Variants in SERGEF observed in about 807,000 individuals in gnomAD.
SERGEF encodes the protein secretion-regulating guanine nucleotide exchange factor.
SERGEF carries 51 observed loss-of-function variants against 50.0 expected under a neutral mutation model. The ratio of observed to expected loss-of-function variants is 1.02; its 90% CI spans 0.81 to 1.29. SERGEF has a LOEUF of 1.29. Among genes scored for constraint, SERGEF ranks in the 50% most tolerant of loss-of-function variants. The pLI, the probability that SERGEF is intolerant of heterozygous loss-of-function variation, is 0.00. For missense variants in SERGEF, 521 were observed against 557.0 expected (o/e 0.94, Z 0.65); for synonymous variants, 205 against 212.4 (o/e 0.97, Z 0.30).
At chr11:18,006,228 A>G (rs1029416632) in intron 3 of SERGEF, among the ~76,000 whole-genome samples, 3 of 152,144 alleles carry the variant, frequency 2.0e-5, no homozygotes, top group African/African-American at 7.2e-5. Flanking sequence ...GCGCAATCTC[A>G]GTTCACTGCA....
intron 1 of SERGEF, among the ~76,000 whole-genome samples, chr11:18,009,745 G>A (rs2299623): frequency 0.48 from 72,473 of 151,880 alleles, 18,897 homozygotes; most frequent in Middle Eastern, 0.68. Context: ...TATACAAAAA[G>A]GGTCCATAAT....
chr11:18,012,586 A>G, intron 1 of SERGEF: 3 of 1,176,386 alleles, frequency 2.6e-6, no homozygotes, highest in Non-Finnish European at 3.2e-6. Flanking sequence ...GGCCCCACGG[A>G]GCTCTGGGAC....
chr11:17,845,785 T>C (rs1850596694), intron 10 of SERGEF, among the ~76,000 whole-genome samples: 1 of 152,124 alleles, frequency 6.6e-6, no homozygotes. Flanking sequence ...TTCTACTCAT[T>C]TGATGATAAA....
intron 5 of SERGEF, among the ~76,000 whole-genome samples, chr11:17,998,029 A>G (rs540070260): frequency 6.6e-6 from 1 of 152,340 alleles, no homozygotes; most frequent in South Asian, 2.1e-4. Context: ...TAAACTACGT[A>G]TATTTTACCA....
chr11:17,840,526 AGAGTT>A (rs1053827549), intron 10 of SERGEF, among the ~76,000 whole-genome samples: 12 of 152,202 alleles, frequency 7.9e-5, no homozygotes, highest in Non-Finnish European at 1.5e-4. Context: ...CTGGACACAA[AGAGTT>A]GCTTTCAGGC....
chr11:17,893,842 A>G (rs1380945996), intron 9 of SERGEF, among the ~76,000 whole-genome samples: 1 of 152,228 alleles, frequency 6.6e-6, no homozygotes, highest in Non-Finnish European at 1.5e-5. Context: ...TCCTCCAGCA[A>G]GAAAACCACA....
At chr11:17,950,856 C>T (rs1377413099) in intron 9 of SERGEF, among the ~76,000 whole-genome samples, 1 of 152,170 alleles carries the variant, frequency 6.6e-6, no homozygotes, top group African/African-American at 2.4e-5. Context: ...CCAGGGTGAC[C>T]CTGGGCAAAG....
intron 9 of SERGEF, among the ~76,000 whole-genome samples, chr11:17,923,619 T>C (rs1852199028): frequency 6.6e-6 from 1 of 151,848 alleles, no homozygotes; most frequent in Non-Finnish European, 1.5e-5. Context: ...AAGGGAGGTG[T>C]TGCAGATGGA....
intron 10 of SERGEF, among the ~76,000 whole-genome samples, chr11:17,800,950 C>T (rs1754848719): frequency 6.6e-6 from 1 of 152,136 alleles, no homozygotes; most frequent in African/African-American, 2.4e-5. Context: ...AATCCCAGCA[C>T]TTTGGGAGGC....
chr11:17,898,801 G>T (rs1186231100), intron 9 of SERGEF, among the ~76,000 whole-genome samples: 1 of 152,106 alleles, frequency 6.6e-6, no homozygotes, highest in Non-Finnish European at 1.5e-5. Flanking sequence ...GATCTCTAAA[G>T]GCCTGATATG....
chr11:17,986,189 G>C (rs182231064), intron 8 of SERGEF, among the ~76,000 whole-genome samples: 32 of 152,268 alleles, frequency 2.1e-4, no homozygotes, highest in African/African-American at 7.5e-4. Context: ...ATTAATGTGA[G>C]TGCTGAGTCT....
intron 9 of SERGEF, among the ~76,000 whole-genome samples, chr11:17,912,532 A>T (rs570002444): frequency 1.3e-5 from 2 of 152,364 alleles, no homozygotes; most frequent in Admixed American, 1.3e-4. Flanking sequence ...TTTCAAAATT[A>T]AAAAGTTTAA....
intron 10 of SERGEF, among the ~76,000 whole-genome samples, chr11:17,816,349 G>A (rs1488580258): frequency 6.6e-6 from 1 of 152,196 alleles, no homozygotes; most frequent in African/African-American, 2.4e-5. Context: ...GAATGAAAAG[G>A]AAATAATCAC....
chr11:17,930,628 CA>C (rs1229671260), intron 9 of SERGEF, among the ~76,000 whole-genome samples: 1 of 152,118 alleles, frequency 6.6e-6, no homozygotes, highest in Admixed American at 6.5e-5. Context: ...TAATGGAATC[CA>C]AAGGTCTACA....
chr11:17,797,240 G>A (rs1445832252), intron 10 of SERGEF, among the ~76,000 whole-genome samples: 2 of 152,188 alleles, frequency 1.3e-5, no homozygotes, highest in Non-Finnish European at 2.9e-5. Flanking sequence ...GAATCCTTCA[G>A]TGGCTTCTCC....
intron 8 of SERGEF, among the ~76,000 whole-genome samples, chr11:17,969,115 G>A (rs539913917): frequency 1.1e-4 from 17 of 152,248 alleles, no homozygotes; most frequent in African/African-American, 4.1e-4. Context: ...ACTCTCTAAA[G>A]CCAGTTTACA....
chr11:17,956,886 T>G (rs911725324), intron 9 of SERGEF, among the ~76,000 whole-genome samples: 1 of 152,194 alleles, frequency 6.6e-6, no homozygotes, highest in African/African-American at 2.4e-5. Context: ...TAGTTTAGTG[T>G]GGCTCTTGTC....
chr11:18,002,958 T>C (rs1853995821), intron 4 of SERGEF, among the ~76,000 whole-genome samples: 1 of 152,234 alleles, frequency 6.6e-6, no homozygotes, highest in Non-Finnish European at 1.5e-5. Flanking sequence ...TATTCCTTAA[T>C]TATATAAAGT....
chr11:18,010,007 G>T (rs1854163835), intron 1 of SERGEF: 2 of 637,104 alleles, frequency 3.1e-6, no homozygotes, highest in Non-Finnish European at 4.6e-6. Flanking sequence ...GAAGACAAGG[G>T]ATTGTGGACC....
Sources: gnomAD v4.1 joint callset for allele counts (sites outside exome capture counted in the v4.1 genomes callset) on GRCh38, gnomAD v4.1.1 for gene constraint, MANE v1.5 for transcripts, NCBI Gene and HGNC (gene_info 2026-07-23, HGNC 2026-07-21) for gene names.